NHSL1: variants seen among roughly 807,000 people sequenced by gnomAD.
NHSL1 encodes NHS-like protein 1.
Under a neutral mutation model 95.0 loss-of-function variants are expected in NHSL1, and 48 were observed. The ratio of observed to expected loss-of-function variants is 0.51; its 90% CI spans 0.40 to 0.64. NHSL1 has a LOEUF of 0.64. Ranked by LOEUF, NHSL1 falls within the 30% of genes least tolerant of loss-of-function variation. The pLI is 0.00. For synonymous variants in NHSL1, 783 were observed against 833.9 expected (o/e 0.94, Z 1.05); for missense variants, 1,971 against 2,077.7 (o/e 0.95, Z 1.00).
At chr6:138,535,667 T>C (rs905579049) in intron 1 of NHSL1, among the ~76,000 whole-genome samples, 2 of 152,064 alleles carry the variant, frequency 1.3e-5, no homozygotes, top group African/African-American at 4.8e-5. Flanking sequence ...AATGGGGAAG[T>C]CTGCAGTGGG....
At position 138,642,786 on chromosome 6, in the gene NHSL1, A is replaced by G. The variant is rs370244389; in HGVS notation, c.96+49690T>C. Among the ~76,000 whole-genome samples, 6 of 152,264 alleles carry G rather than the reference A, an allele frequency of 3.9e-5. No individual in the cohort carries two copies. In the East Asian group the frequency reaches 1.2e-3, roughly 29 times the overall value. On this transcript the variant is annotated intron_variant, in intron 1 of 3. Transcript: ENST00000491526. ...GTAATTAGTAGGGAGAGCCAAAAGA[A>G]GGTTCAGACAGTGATGTAGGCACAT... is the stretch of plus-strand genomic sequence containing the variant.
chr6:138,473,207 A>T, intron 3 of NHSL1, 99 bp downstream of exon 3: 1 of 1,085,158 alleles, frequency 9.2e-7, no homozygotes, highest in Non-Finnish European at 1.2e-6. Flanking sequence ...CTATTGATTA[A>T]AATACAGGCT....
chr6:138,675,352 C>T (rs993303330), intron 1 of NHSL1, among the ~76,000 whole-genome samples: 2 of 152,086 alleles, frequency 1.3e-5, no homozygotes, highest in African/African-American at 4.8e-5. Flanking sequence ...CATGATACCA[C>T]AGGAACCCCC....
chr6:138,466,865 C>T (rs1778415467), intron 3 of NHSL1, among the ~76,000 whole-genome samples: 1 of 151,972 alleles, frequency 6.6e-6, no homozygotes, highest in Non-Finnish European at 1.5e-5. Flanking sequence ...GGGTGGATCA[C>T]CTGAGATCAG....
At chr6:138,483,433 G>T (rs573934091) in intron 2 of NHSL1, among the ~76,000 whole-genome samples, 145 of 152,358 alleles carry the variant, frequency 9.5e-4, no homozygotes, top group African/African-American at 3.4e-3. Flanking sequence ...AGTCCCTAAA[G>T]AATGCCATTT....
At chr6:138,522,621 A>AC (rs757100015) in intron 1 of NHSL1, among the ~76,000 whole-genome samples, 2 of 152,198 alleles carry the variant, frequency 1.3e-5, no homozygotes, top group Non-Finnish European at 2.9e-5. Flanking sequence ...AGCCTGAGTG[A>AC]CAAGAGTGAA....
chr6:138,544,462 C>T (rs1389342016), intron 1 of NHSL1, among the ~76,000 whole-genome samples: 2 of 151,660 alleles, frequency 1.3e-5, no homozygotes, highest in Non-Finnish European at 2.9e-5. Context: ...CAAATTTGCA[C>T]CTACTATATA....
At chr6:138,613,089 T>C (rs1021102694) in intron 1 of NHSL1, among the ~76,000 whole-genome samples, 5 of 152,186 alleles carry the variant, frequency 3.3e-5, no homozygotes, top group African/African-American at 1.2e-4. Context: ...AGTTTGCTGA[T>C]TCTGGAGTGG....
chr6:138,669,491 G>C lies in NHSL1; in HGVS notation c.96+22985C>G, dbSNP rs1456090234. Among the ~76,000 whole-genome samples the C allele has an allele frequency of 2.6e-5, 4 of 152,088 alleles. No homozygotes were observed. The East Asian group carries it at 7.7e-4, about 29-fold the overall frequency. ...GAAGTAGAGGTGAATTGATTTTCTTGGGGAAGAAGGAACAGTTAAAAGAAG... is the reference window on the plus strand; with the variant it reads ...GAAGTAGAGGTGAATTGATTTTCTTCGGGAAGAAGGAACAGTTAAAAGAAG... On this transcript the variant is annotated intron_variant, in intron 1 of 3. Coordinates refer to the NHSL1 transcript ENST00000491526.
chr6:138,683,336 A>G (rs1211721854), intron 1 of NHSL1, among the ~76,000 whole-genome samples: 1 of 152,194 alleles, frequency 6.6e-6, no homozygotes, highest in Non-Finnish European at 1.5e-5. Context: ...CTTCAGTGGC[A>G]CGGCCTCCTG....
chr6:138,433,228 C>A lies in NHSL1; in HGVS notation c.1117G>T (p.Ala373Ser). The A allele has an allele frequency of 6.4e-7, 1 of 1,551,364 alleles. No homozygotes were observed. Among genetic ancestry groups the A allele is most frequent in the Non-Finnish European group, 8.7e-7 (1 of 1,146,820 alleles). Residue 373 changes from alanine (A) to serine (S), a missense_variant, in exon 6 of 8, where the codon GCC becomes TCC. Physicochemically the swap from Ala to Ser is moderately conservative, Grantham distance 99. Coordinates refer to ENST00000343505, the MANE Select transcript of NHSL1 (RefSeq NM_001144060.2). ...CTCAAAAGTGTTCCAGTCCCTGAGG[C>A]ACCTCCTAAATGGCCTAAGTTTTCA... is the stretch of plus-strand genomic sequence containing the variant. ...ADENLGHLGG[A>S]SGTGTLLRPK...
intron 7 of NHSL1, among the ~76,000 whole-genome samples, chr6:138,428,946 G>C (rs1775443100): frequency 1.3e-5 from 2 of 152,220 alleles, no homozygotes; most frequent in South Asian, 4.1e-4. Context: ...CACATATACA[G>C]TCATCAGCTT....
At chr6:138,502,712 G>A (rs909098800), upstream of NHSL1, among the ~76,000 whole-genome samples, 2 of 152,142 alleles carry the variant, frequency 1.3e-5, no homozygotes, top group African/African-American at 4.8e-5. Context: ...TCCTACCCAG[G>A]TTACCAGCCA....
chr6:138,569,346 G>A (rs1421351291), intron 1 of NHSL1, among the ~76,000 whole-genome samples: 1 of 151,918 alleles, frequency 6.6e-6, no homozygotes, highest in Non-Finnish European at 1.5e-5. Context: ...AGAGTTTTTG[G>A]CAATCTGTGT....
chr6:138,472,100 T>C (rs1434470819), intron 3 of NHSL1, among the ~76,000 whole-genome samples: 1 of 150,154 alleles, frequency 6.7e-6, no homozygotes, highest in Non-Finnish European at 1.5e-5. Flanking sequence ...GAGAATTGCT[T>C]GAACCTGGGA....
intron 1 of NHSL1, among the ~76,000 whole-genome samples, chr6:138,583,060 C>T (rs1265386828): frequency 1.3e-5 from 2 of 152,170 alleles, no homozygotes; most frequent in East Asian, 1.9e-4. Flanking sequence ...TCCCCGTGTG[C>T]CTGAAAATGA....
At chr6:138,685,857 C>T (rs562846153) in intron 1 of NHSL1, among the ~76,000 whole-genome samples, 1 of 152,172 alleles carries the variant, frequency 6.6e-6, no homozygotes, top group African/African-American at 2.4e-5. Flanking sequence ...GGATTCAAAG[C>T]CCAGCTCCAT....
At chr6:138,675,509 A>C (rs925493239) in intron 1 of NHSL1, among the ~76,000 whole-genome samples, 4 of 152,134 alleles carry the variant, frequency 2.6e-5, no homozygotes, top group African/African-American at 9.7e-5. Context: ...TCATTTTCCC[A>C]CAGAAAATTC....
intron 1 of NHSL1, among the ~76,000 whole-genome samples, chr6:138,513,502 G>A (rs2128302545): frequency 6.6e-6 from 1 of 152,244 alleles, no homozygotes; most frequent in East Asian, 1.9e-4. Context: ...CTCCCAAGTA[G>A]CTGGGATGAG....
Sources: allele counts gnomAD v4.1 joint callset (sites outside exome capture counted in the v4.1 genomes callset), GRCh38; gene constraint gnomAD v4.1.1; transcripts MANE v1.5; gene names NCBI Gene and HGNC (gene_info 2026-07-23, HGNC 2026-07-21).